TG: variants seen among roughly 807,000 people sequenced by gnomAD.
TG encodes thyroglobulin.
A neutral mutation model predicts 324.7 loss-of-function variants in TG; 270 were observed. The observed-to-expected ratio is 0.83, with a 90% confidence interval of 0.75 to 0.92. TG has a LOEUF of 0.92. TG is among the 40% of genes least tolerant of loss of function. The pLI, the probability that TG is intolerant of heterozygous loss-of-function variation, is 0.00. For missense variants in TG, 3,591 were observed against 3,456.4 expected (o/e 1.04, Z -0.98); for synonymous variants, 1,401 against 1,327.0 (o/e 1.06, Z -1.21).
intron 32 of TG, among the ~76,000 whole-genome samples, chr8:132,970,214 A>G (rs1829310541): frequency 6.6e-6 from 1 of 152,076 alleles, no homozygotes; most frequent in Non-Finnish European, 1.5e-5. Flanking sequence ...TTTATTTTTT[A>G]TTTTTAAAAT....
At chr8:133,060,414 G>A (rs1180637185) in intron 41 of TG, 2 of 1,496,100 alleles carry the variant, frequency 1.3e-6, no homozygotes, top group African/African-American at 1.4e-5. Context: ...ACCACAGAGA[G>A]GGAAGTTGCT....
chr8:132,971,292 C>CT (rs1409312090), intron 32 of TG, among the ~76,000 whole-genome samples: 1 of 152,142 alleles, frequency 6.6e-6, no homozygotes, highest in East Asian at 1.9e-4. Context: ...ACGTTGTACA[C>CT]TGAGTAAGAG....
At chr8:133,005,417 T>G (rs1021323945) in intron 35 of TG, among the ~76,000 whole-genome samples, 2 of 152,174 alleles carry the variant, frequency 1.3e-5, no homozygotes, top group African/African-American at 4.8e-5. Flanking sequence ...CCATCCAGGC[T>G]GAGAGCCCCA....
At chr8:132,986,782 C>T (rs999100008) in intron 35 of TG, among the ~76,000 whole-genome samples, 3 of 152,166 alleles carry the variant, frequency 2.0e-5, no homozygotes, top group Admixed American at 1.3e-4. Context: ...ATTTTAAGAC[C>T]CTAGATTTAT....
intron 34 of TG, among the ~76,000 whole-genome samples, chr8:132,982,344 T>G (rs904983755): frequency 2.0e-5 from 3 of 152,296 alleles, no homozygotes; most frequent in South Asian, 2.1e-4. Flanking sequence ...GGAGATCCCA[T>G]GTACCGTCCT....
intron 5 of TG, 65 bp downstream of exon 5, chr8:132,873,286 G>A: frequency 1.3e-6 from 2 of 1,586,518 alleles, no homozygotes; most frequent in South Asian, 1.1e-5. Flanking sequence ...CTCACCTTGA[G>A]CTGGGGGCCT....
intron 41 of TG, among the ~76,000 whole-genome samples, chr8:133,055,824 CCAGCAGCAGCAGCAGCAGCAGCAG>C (rs36210010): frequency 0.26 from 39,890 of 150,560 alleles, 5,403 homozygotes; most frequent in Non-Finnish European, 0.27. Context: ...CTCCTCATCA[CCAGCAGCAGCAGCAGCAGCAGCAG>C]CAGCAGCAGC....
chr8:133,042,886 G>T (rs1014267726), intron 41 of TG, among the ~76,000 whole-genome samples: 1 of 151,512 alleles, frequency 6.6e-6, no homozygotes, highest in African/African-American at 2.4e-5. Flanking sequence ...TGCAGACAGG[G>T]TTTCACCATG....
At chr8:132,885,663 G>A (rs991275016) in intron 8 of TG, among the ~76,000 whole-genome samples, 1 of 152,046 alleles carries the variant, frequency 6.6e-6, no homozygotes, top group African/African-American at 2.4e-5. Context: ...AATACGCATA[G>A]GAATGTGTTG....
At chr8:132,988,005 G>T (rs1023954374) in intron 35 of TG, among the ~76,000 whole-genome samples, 2 of 151,278 alleles carry the variant, frequency 1.3e-5, no homozygotes, top group African/African-American at 4.9e-5. Flanking sequence ...CTGACCAGTC[G>T]GGGGAGCAGA....
At chr8:133,048,160 C>A (rs1194315975) in intron 41 of TG, among the ~76,000 whole-genome samples, 1 of 152,164 alleles carries the variant, frequency 6.6e-6, no homozygotes, top group Non-Finnish European at 1.5e-5. Flanking sequence ...AATTAGAATG[C>A]ATTTTTCTGG....
chr8:132,908,057 A>G (rs1818938810), intron 17 of TG, 129 bp from the exon 18 acceptor site: 1 of 1,051,216 alleles, frequency 9.5e-7, no homozygotes, highest in East Asian at 2.6e-5. Context: ...CAGAATGACA[A>G]TGCAAAATGG....
intron 20 of TG, among the ~76,000 whole-genome samples, chr8:132,918,259 G>A (rs187281754): frequency 5.3e-5 from 8 of 152,274 alleles, no homozygotes; most frequent in African/African-American, 1.9e-4. Context: ...TCTGCTAGTT[G>A]CCCGCACCTA....
chr8:132,923,200 CA>C, intron 21 of TG, 137 bp from the exon 22 acceptor site: 1 of 974,104 alleles, frequency 1.0e-6, no homozygotes, highest in Non-Finnish European at 1.6e-6. Flanking sequence ...ACAGTGGGAA[CA>C]CTGAAGAGTT....
chr8:133,133,249 C>G, intron 46 of TG: 1 of 626,592 alleles, frequency 1.6e-6, no homozygotes, highest in Non-Finnish European at 2.9e-6. Flanking sequence ...GACCTTAACA[C>G]CTTTCCTCAC....
At chr8:133,072,078 T>C (rs1429313591) in intron 41 of TG, among the ~76,000 whole-genome samples, 1 of 152,166 alleles carries the variant, frequency 6.6e-6, no homozygotes, top group African/African-American at 2.4e-5. Context: ...CAATTCTCAC[T>C]TTCTTCGGAA....
Position 132,911,412 on chromosome 8 carries a change from C to G in TG, c.4038C>G (p.Val1346=), listed in dbSNP as rs147183756. ...TTGGCACCCTGGTTTCCATTCCTGT[C>G]TGCAACAACTCCTCTGTGCAGGTGG... ...KTFGTLVSIP[V]CNNSSVQVGC... is the part of the protein sequence containing the mutation. Residue 1346 remains valine (V), a synonymous_variant, in exon 19 of 48, where the codon GTC becomes GTG. Transcript: ENST00000220616. The G allele has an allele frequency of 5.0e-6, 8 of 1,614,200 alleles. No homozygotes were observed. Among genetic ancestry groups the G allele is most frequent in the Non-Finnish European group, 6.8e-6 (8 of 1,180,044 alleles).
intron 35 of TG, 63 bp from the exon 36 acceptor site, chr8:133,011,838 C>A: frequency 2.5e-6 from 4 of 1,611,282 alleles, no homozygotes; most frequent in Non-Finnish European, 3.4e-6. Flanking sequence ...GGGTAATACA[C>A]GGCTGTCTTT....
intron 41 of TG, among the ~76,000 whole-genome samples, chr8:133,068,726 C>T (rs527375320): frequency 1.3e-5 from 2 of 152,336 alleles, no homozygotes; most frequent in East Asian, 1.9e-4. Context: ...GTCTGGCATA[C>T]GGAGGCGGGC....
Sources: allele counts gnomAD v4.1 joint callset (sites outside exome capture counted in the v4.1 genomes callset), GRCh38; gene constraint gnomAD v4.1.1; transcripts MANE v1.5; gene names NCBI Gene and HGNC (gene_info 2026-07-23, HGNC 2026-07-21).